SGMS1: variants seen among roughly 807,000 people sequenced by gnomAD.
SGMS1 encodes the protein sphingomyelin synthase 1, also known as phosphatidylcholine:ceramide cholinephosphotransferase 1.
A neutral mutation model predicts 46.2 loss-of-function variants in SGMS1; 13 were observed. That is an observed-to-expected ratio of 0.28 (90% CI 0.18 to 0.45). SGMS1 has a LOEUF of 0.45. Ranked by LOEUF, SGMS1 falls within the 20% of genes least tolerant of loss-of-function variation. The probability of loss-of-function intolerance (pLI) is 1.00; values close to 1 mark genes in which losing one functional copy is unlikely to be tolerated. For missense variants in SGMS1, 324 were observed against 519.9 expected (o/e 0.62, Z 3.66); for synonymous variants, 203 against 187.8 (o/e 1.08, Z -0.66).
chr10:50,583,027 T>A (rs1000154663), intron 2 of SGMS1, among the ~76,000 whole-genome samples: 3 of 152,146 alleles, frequency 2.0e-5, no homozygotes, highest in Non-Finnish European at 4.4e-5. Flanking sequence ...GAGGCTAGCG[T>A]GCATGAGGCA....
At chr10:50,353,429 G>T (rs1338730137) in intron 6 of SGMS1, among the ~76,000 whole-genome samples, 1 of 152,292 alleles carries the variant, frequency 6.6e-6, no homozygotes, top group Non-Finnish European at 1.5e-5. Flanking sequence ...GGTATTGATG[G>T]GATGTATCTC....
chr10:50,509,793 C>G (rs1837738317), intron 3 of SGMS1, among the ~76,000 whole-genome samples: 1 of 152,234 alleles, frequency 6.6e-6, no homozygotes, highest in African/African-American at 2.4e-5. Flanking sequence ...AATGACTTAA[C>G]AAATCCTTAT....
intron 7 of SGMS1, among the ~76,000 whole-genome samples, chr10:50,333,619 A>G (rs1847662714): frequency 6.6e-6 from 1 of 152,204 alleles, no homozygotes; most frequent in Non-Finnish European, 1.5e-5. Flanking sequence ...TCCATTTAGG[A>G]AAATCCAGGG....
At chr10:50,441,076 T>A (rs962028576) in intron 5 of SGMS1, among the ~76,000 whole-genome samples, 2 of 152,244 alleles carry the variant, frequency 1.3e-5, no homozygotes, top group Admixed American at 1.3e-4. Flanking sequence ...ATGAAATGCA[T>A]GCAATGCATC....
At chr10:50,585,818 T>C (rs181008194) in intron 2 of SGMS1, among the ~76,000 whole-genome samples, 92 of 152,336 alleles carry the variant, frequency 6.0e-4, no homozygotes, top group Admixed American at 9.1e-4. Context: ...ATGCCTGAAA[T>C]ACAATAGACA....
intron 4 of SGMS1, among the ~76,000 whole-genome samples, chr10:50,465,450 G>T (rs936113431): frequency 2.0e-5 from 3 of 152,030 alleles, no homozygotes; most frequent in Non-Finnish European, 4.4e-5. Flanking sequence ...AGAAAATATT[G>T]CATCTATCAA....
At chr10:50,326,450 C>A (rs1002258597) in intron 8 of SGMS1, among the ~76,000 whole-genome samples, 1 of 152,182 alleles carries the variant, frequency 6.6e-6, no homozygotes, top group East Asian at 1.9e-4. Flanking sequence ...GAAATGATCT[C>A]AAATACATCA....
At chr10:50,329,533 T>C (rs1847583789) in intron 7 of SGMS1, among the ~76,000 whole-genome samples, 7 of 152,238 alleles carry the variant, frequency 4.6e-5, no homozygotes, top group Admixed American at 4.6e-4. Context: ...AAGGATTTTC[T>C]ACAACAAACT....
At chr10:50,397,761 T>C (rs1483884596) in intron 6 of SGMS1, among the ~76,000 whole-genome samples, 1 of 152,192 alleles carries the variant, frequency 6.6e-6, no homozygotes, top group African/African-American at 2.4e-5. Context: ...ACCATTTAGG[T>C]TTCAGAGGTA....
chr10:50,503,374 T>C (rs1209761009), intron 3 of SGMS1, among the ~76,000 whole-genome samples: 1 of 152,180 alleles, frequency 6.6e-6, no homozygotes. Flanking sequence ...TAAGCCATCA[T>C]ATCCCCTGTG....
chr10:50,362,957 A>G (rs1848274145), intron 6 of SGMS1, among the ~76,000 whole-genome samples: 2 of 152,226 alleles, frequency 1.3e-5, no homozygotes, highest in Non-Finnish European at 2.9e-5. Flanking sequence ...AAAAAAATAA[A>G]GTATATAAAT....
At chr10:50,437,358 C>G (rs1483984747) in intron 5 of SGMS1, among the ~76,000 whole-genome samples, 3 of 152,202 alleles carry the variant, frequency 2.0e-5, no homozygotes, top group Non-Finnish European at 4.4e-5. Context: ...TATTCAGAGG[C>G]TTCTTGGCCA....
intron 6 of SGMS1, among the ~76,000 whole-genome samples, chr10:50,357,093 A>G (rs1848166798): frequency 6.6e-6 from 1 of 152,068 alleles, no homozygotes; most frequent in Admixed American, 6.6e-5. Flanking sequence ...AAAAGCAGAG[A>G]AAAACAGCAC....
intron 8 of SGMS1, among the ~76,000 whole-genome samples, chr10:50,311,710 G>T (rs1847256097): frequency 1.3e-5 from 2 of 152,208 alleles, no homozygotes; most frequent in Admixed American, 6.5e-5. Flanking sequence ...CAGAGAAACA[G>T]TACTTCTATC....
chr10:50,540,404 C>T (rs949213103), intron 2 of SGMS1, among the ~76,000 whole-genome samples: 3 of 152,144 alleles, frequency 2.0e-5, no homozygotes, highest in African/African-American at 7.2e-5. Context: ...TTTAGCAGCA[C>T]TTAAAATACT....
At chr10:50,422,998 T>C (rs1849275718) in intron 6 of SGMS1, among the ~76,000 whole-genome samples, 2 of 152,354 alleles carry the variant, frequency 1.3e-5, no homozygotes, top group South Asian at 2.1e-4. Flanking sequence ...CTAAATACTT[T>C]ATTAAAATTG....
In SGMS1 at chr10:50,344,093, A is replaced by T; in HGVS notation, c.22T>A (p.Ser8Thr). 1 of 1,610,054 alleles carries T rather than the reference A, an allele frequency of 6.2e-7. No individual in the cohort carries two copies. The highest frequency in any genetic ancestry group is 8.5e-7 in the Non-Finnish European group (1 of 1,177,980). Residue 8 changes from serine to threonine, a missense_variant, in exon 7 of 11, where the codon TCA becomes ACA. Physicochemically the swap from Ser to Thr is moderately conservative, Grantham distance 58. Coordinates refer to ENST00000361781, the MANE Select transcript of SGMS1 (RefSeq NM_147156.4). Reference sequence around the variant, plus strand: ...AGCCAGTCTGCCACCTTCTTGGGTGACCAATAAACCACTTCCTTCATTGTA... The same window carrying T: ...AGCCAGTCTGCCACCTTCTTGGGTGTCCAATAAACCACTTCCTTCATTGTA... MKEVVYW[S>T]PKKVADWLLE...
intron 2 of SGMS1, among the ~76,000 whole-genome samples, chr10:50,555,524 G>A (rs1175325536): frequency 3.9e-5 from 6 of 152,160 alleles, no homozygotes; most frequent in Admixed American, 3.3e-4. Flanking sequence ...TAAGGAATGC[G>A]GTTGAGGCCT....
intron 3 of SGMS1, among the ~76,000 whole-genome samples, chr10:50,486,032 C>T (rs1837518393): frequency 1.3e-5 from 2 of 152,124 alleles, no homozygotes; most frequent in South Asian, 4.1e-4. Flanking sequence ...ACAACCACCT[C>T]ATTTTTGACA....
Sources: allele counts gnomAD v4.1 joint callset (sites outside exome capture counted in the v4.1 genomes callset), GRCh38; gene constraint gnomAD v4.1.1; transcripts MANE v1.5; gene names NCBI Gene and HGNC (gene_info 2026-07-23, HGNC 2026-07-21).